Variants in PROM1 observed in about 807,000 individuals in gnomAD.
The protein encoded by PROM1 is prominin-1.
A neutral mutation model predicts 116.9 loss-of-function variants in PROM1; 105 were observed. The ratio of observed to expected loss-of-function variants is 0.90; its 90% confidence interval spans 0.77 to 1.06. The LOEUF (loss-of-function observed/expected upper bound fraction) is 1.06, where lower values mean the gene tolerates loss of function less well. Ranked by LOEUF, PROM1 falls within the 50% of genes least tolerant of loss-of-function variation. PROM1 has a pLI of 0.00. For missense variants in PROM1, 1,122 were observed against 1,045.2 expected (o/e 1.07, Z -1.01); for synonymous variants, 393 against 387.0 (o/e 1.02, Z -0.18).
Position 15,968,398 on chromosome 4 carries a change from T to C in PROM1, c.*995A>G, listed in dbSNP as rs1713592017. 1 of 152,210 alleles carries C rather than the reference T, an allele frequency of 6.6e-6. No individual in the cohort carries two copies. The highest frequency in any genetic ancestry group is 2.4e-5 in the African/African-American group (1 of 41,456). 9.4% of individuals were successfully genotyped at this position (152,210 alleles called of 1,614,324 possible). A position where few individuals can be genotyped will look rare whatever the true frequency, so the allele number is the denominator to read the frequency against. On this transcript the variant is annotated 3_prime_UTR_variant, in exon 28 of 28. Coordinates refer to ENST00000447510, the MANE Select transcript of PROM1 (RefSeq NM_006017.3). ...AATGACAGATCCAACATGAAACTCC[T>C]GAAGCAAATGAATATTTACCTTGTG...
At chr4:16,074,013 C>G (rs1432944377) in intron 2 of PROM1, among the ~76,000 whole-genome samples, 12 of 152,154 alleles carry the variant, frequency 7.9e-5, no homozygotes, top group Non-Finnish European at 1.5e-5. Context: ...GCTTTCCAGT[C>G]TTTTTGAGGA....
chr4:15,994,230 C>G (rs1029540696), intron 15 of PROM1, among the ~76,000 whole-genome samples, 159 bp from the exon 16 acceptor site: 2 of 152,214 alleles, frequency 1.3e-5, no homozygotes, highest in African/African-American at 4.8e-5. Context: ...AATCCCCCAG[C>G]ACCCACCACT....
intron 12 of PROM1, among the ~76,000 whole-genome samples, chr4:16,008,290 C>T (rs1282820139): frequency 1.3e-5 from 2 of 152,132 alleles, no homozygotes; most frequent in South Asian, 4.1e-4. Context: ...TCCTTCCCTC[C>T]CCAGGGCTCT....
intron 5 of PROM1, among the ~76,000 whole-genome samples, chr4:16,029,640 C>T (rs896333917): frequency 6.6e-6 from 1 of 152,176 alleles, no homozygotes; most frequent in Non-Finnish European, 1.5e-5. Context: ...TTCTCCTTAA[C>T]ACCTATGTCT....
At chr4:15,981,025 G>C (rs557867375) in intron 23 of PROM1, among the ~76,000 whole-genome samples, 1 of 151,104 alleles carries the variant, frequency 6.6e-6, no homozygotes, top group African/African-American at 2.4e-5. Context: ...GCAGTGGTGC[G>C]ATCTCGGCTC....
chr4:16,038,609 GC>G (rs1423936172), intron 3 of PROM1, among the ~76,000 whole-genome samples: 27 of 151,634 alleles, frequency 1.8e-4, no homozygotes, highest in African/African-American at 6.3e-4. Context: ...CACCATATTG[GC>G]CAGGCTGGTC....
intron 12 of PROM1, among the ~76,000 whole-genome samples, 158 bp from the exon 13 acceptor site, chr4:16,006,848 A>T (rs921188661): frequency 6.6e-6 from 1 of 152,178 alleles, no homozygotes; most frequent in African/African-American, 2.4e-5. Flanking sequence ...GAGTGAAAAG[A>T]TCCCTTCACA....
At chr4:15,975,290 G>T (rs1715827626) in intron 26 of PROM1, among the ~76,000 whole-genome samples, 1 of 152,114 alleles carries the variant, frequency 6.6e-6, no homozygotes, top group Non-Finnish European at 1.5e-5. Flanking sequence ...TGCAATCTCA[G>T]CTCACTGCAA....
chr4:15,997,267 A>G lies in PROM1; in HGVS notation c.1682+1118T>C, dbSNP rs1240562679. On this transcript the variant is annotated intron_variant, in intron 15 of 27. Coordinates refer to ENST00000447510, the MANE Select transcript of PROM1 (RefSeq NM_006017.3). ...TTTCGTTCATATATATATATGAAAT[A>G]TATATTCGTTCATTCATATATATAT... Among the ~76,000 whole-genome samples, 6 of 145,044 alleles carry G rather than the reference A, an allele frequency of 4.1e-5. No homozygotes were observed. The East Asian group carries it at 1.0e-3, about 24-fold the overall frequency.
chr4:16,083,619 T>A (rs1745461988), intron 1 of PROM1: 2 of 152,786 alleles, frequency 1.3e-5, no homozygotes, highest in African/African-American at 4.8e-5. Flanking sequence ...CCGCGCCTGG[T>A]CAGCAGATGC....
At chr4:16,048,527 C>T (rs1273196035) in intron 2 of PROM1, among the ~76,000 whole-genome samples, 2 of 152,104 alleles carry the variant, frequency 1.3e-5, no homozygotes, top group Admixed American at 6.6e-5. Context: ...AATGTATCCC[C>T]GGTGCCTCCA....
At chr4:15,976,170 C>T in intron 26 of PROM1, 1 of 455,630 alleles carries the variant, frequency 2.2e-6, no homozygotes, top group South Asian at 1.6e-5. Context: ...AGAACAATGG[C>T]ATTTAATCTA....
chr4:15,978,392 TG>T (rs1181857744), intron 26 of PROM1, among the ~76,000 whole-genome samples: 1 of 152,244 alleles, frequency 6.6e-6, no homozygotes, highest in Non-Finnish European at 1.5e-5. Context: ...CTGTTCATCT[TG>T]AAATCTGACC....
Position 15,998,445 on chromosome 4 carries a change from T to C in PROM1, c.1622A>G (p.Tyr541Cys), listed in dbSNP as rs758897153. The change falls in exon 15 of 28, where the codon TAT becomes TGT. Residue 541 changes from tyrosine (Y) to cysteine (C), a missense_variant. Transcript: ENST00000447510. ...TTTATTAAATAGCTTCCCAGAGAGA[T>C]AGTATTCCCAGTCTTCATTTAGTAA... ...PYLLNEDWEY[Y>C]LSGKLFNKSK... 7 of 1,609,334 alleles carry C rather than the reference T, an allele frequency of 4.3e-6. No homozygotes were observed. Among genetic ancestry groups the C allele is most frequent in the South Asian group, 2.2e-5 (2 of 89,438 alleles).
chr4:16,046,132 C>A (rs939910497), intron 2 of PROM1, among the ~76,000 whole-genome samples: 2 of 152,218 alleles, frequency 1.3e-5, no homozygotes, highest in East Asian at 3.8e-4. Flanking sequence ...GTACAAATGG[C>A]TGGTAAAATG....
chr4:15,978,692 TG>T (rs1249439394), intron 26 of PROM1, among the ~76,000 whole-genome samples: 1 of 152,100 alleles, frequency 6.6e-6, no homozygotes, highest in African/African-American at 2.4e-5. Flanking sequence ...TGTATGGGCG[TG>T]GGAAGGATCA....
Position 15,980,464 on chromosome 4 carries a change from G to C in PROM1, c.2447C>G (p.Ala816Gly). ...LPALIFAVKL[A>G]KYYRRMDSED... ...CGAATCCATTCGACGATAGTACTTAGCCAGTTTTACCGCAAAAATTAGAGC... is the reference window on the plus strand; with the variant it reads ...CGAATCCATTCGACGATAGTACTTACCCAGTTTTACCGCAAAAATTAGAGC... The change falls in exon 24 of 28, where the codon GCT (alanine) becomes GGT (glycine). Residue 816 changes from alanine (A) to glycine (G), a missense_variant. Coordinates refer to ENST00000447510, the MANE Select transcript of PROM1 (RefSeq NM_006017.3). The C allele has an allele frequency of 6.4e-7, 1 of 1,556,562 alleles. No homozygotes were observed.
chr4:15,980,017 G>C (rs1717364813), intron 24 of PROM1, 113 bp from the exon 25 acceptor site: 1 of 676,254 alleles, frequency 1.5e-6, no homozygotes, highest in African/African-American at 1.9e-5. Flanking sequence ...TGCAAACTCA[G>C]GAAAGACCCA....
chr4:16,007,378 C>A (rs1202187485), intron 12 of PROM1, among the ~76,000 whole-genome samples: 4 of 152,198 alleles, frequency 2.6e-5, no homozygotes, highest in Non-Finnish European at 5.9e-5. Flanking sequence ...GGAGAACAAC[C>A]TTTCCCGGCA....
Sources: gnomAD v4.1 joint callset for allele counts (sites outside exome capture counted in the v4.1 genomes callset) on GRCh38, gnomAD v4.1.1 for gene constraint, MANE v1.5 for transcripts, NCBI Gene and HGNC (gene_info 2026-07-23, HGNC 2026-07-21) for gene names.